The following RBM14 variants were observed in gnomAD, a reference collection of about 807,000 sequenced individuals.
RBM14 encodes RNA-binding protein 14.
A neutral mutation model predicts 52.8 loss-of-function variants in RBM14; 5 were observed. The ratio of observed to expected loss-of-function variants is 0.09; its 90% CI spans 0.05 to 0.20. The LOEUF (loss-of-function observed/expected upper bound fraction) is 0.20. RBM14 is among the 10% of genes least tolerant of loss of function. The pLI, the probability that RBM14 is intolerant of heterozygous loss-of-function variation, is 1.00. For missense variants in RBM14, 780 were observed against 926.6 expected (o/e 0.84, Z 2.05); for synonymous variants, 411 against 401.8 (o/e 1.02, Z -0.28).
intron 1 of RBM14, 43 bp downstream of exon 1, chr11:66,617,100 A>T (rs779205837): frequency 2.6e-6 from 4 of 1,539,766 alleles, no homozygotes; most frequent in Admixed American, 2.0e-5. Context: ...CGCTCGGGGC[A>T]CTCTGCCTGT....
Position 66,626,773 on chromosome 11 carries a change from GT to G in RBM14, c.*110del, listed in dbSNP as rs1403667070. 8.6e-7 allele frequency: 1 copy of G among 1,158,326 alleles called. No homozygotes were observed. Among genetic ancestry groups the G allele is most frequent in the Non-Finnish European group, 1.2e-6 (1 of 840,312 alleles). The allele number at this position is 1,158,326 out of a possible 1,614,324, so 71.8% of individuals were successfully genotyped here. A position where few individuals can be genotyped will look rare whatever the true frequency, so the allele number is the denominator to read the frequency against. On this transcript the variant is annotated 3_prime_UTR_variant, in exon 3 of 3. Transcript: ENST00000310137. ...CTGGCCCATACCTTTCCTGGTTGTG[GT>G]TTTTCATGCCCTCTACCATGTGGGC...
Position 66,629,408 on chromosome 11 carries a change from T to C in RBM14, c.*2740T>C, listed in dbSNP as rs1384252534. Among the ~76,000 whole-genome samples, 1 of 152,216 alleles carries C rather than the reference T, an allele frequency of 6.6e-6. No individual in the cohort carries two copies. The highest frequency in any genetic ancestry group is 2.4e-5 in the African/African-American group (1 of 41,446). ...TGGACCTTGTTTTAAATTGTGTGCA[T>C]GGTGGGCTTGAGACTCTCTTGTAAT... On this transcript the variant is annotated 3_prime_UTR_variant, in exon 3 of 3. Transcript: ENST00000310137.
In RBM14 at chr11:66,625,183, C is replaced by T. The variant is rs1937731400; in HGVS notation, c.1307C>T (p.Pro436Leu). 1 of 1,612,362 alleles carries T rather than the reference C, an allele frequency of 6.2e-7. No homozygotes were observed. Among genetic ancestry groups the T allele is most frequent in the Non-Finnish European group, 8.5e-7 (1 of 1,179,978 alleles). The change falls in exon 2 of 3, where the codon CCA becomes CTA. Residue 436 changes from proline (P) to leucine (L), a missense_variant. Coordinates refer to ENST00000310137, the MANE Select transcript of RBM14 (RefSeq NM_006328.4). The surrounding 1 kb of genome is among the most constrained non-coding windows in gnomAD (Gnocchi z 4.2). ...CAACCTGCTGCCTATGTGGCACAGC[C>T]AGCCACAGCTGCTGCCTATGCCAGC... ...SSQPAAYVAQ[P>L]ATAAAYASQP...
Position 66,624,458 on chromosome 11 carries a change from C to T in RBM14, c.582C>T (p.Ser194=). ...TFDYQQAFGN[S]TGGFDGQARQ... ...ACTACCAGCAGGCTTTTGGCAACAG[C>T]ACTGGTGGCTTTGATGGGCAAGCCC... The change falls in exon 2 of 3, where the codon AGC becomes AGT. Residue 194 remains serine (S), a synonymous_variant. Coordinates refer to ENST00000310137, the MANE Select transcript of RBM14 (RefSeq NM_006328.4). This position sits in a 1 kb window ranked among gnomAD's most constrained non-coding sequence, Gnocchi z 4.7. 1.2e-6 allele frequency: 2 copies of T among 1,613,914 alleles called. No individual in the cohort carries two copies. The highest frequency in any genetic ancestry group is 1.7e-6 in the Non-Finnish European group (2 of 1,179,806).
At chr11:66,619,490 C>T (rs1041890395) in intron 1 of RBM14, 2 of 152,044 alleles carry the variant, frequency 1.3e-5, no homozygotes, top group South Asian at 2.1e-4. Flanking sequence ...AGGAAAATAT[C>T]TTCTCTTCAT....
intron 1 of RBM14, among the ~76,000 whole-genome samples, chr11:66,622,058 G>A (rs2135013924): frequency 6.6e-6 from 1 of 151,800 alleles, no homozygotes; most frequent in Middle Eastern, 3.4e-3. Flanking sequence ...TGGGATTACA[G>A]GTGCCAGCCA....
At chr11:66,618,301 C>T (rs898403781) in intron 1 of RBM14, among the ~76,000 whole-genome samples, 3 of 152,070 alleles carry the variant, frequency 2.0e-5, no homozygotes, top group Non-Finnish European at 1.5e-5. Context: ...TGAGAAGTTT[C>T]AGGGATAGGA....
chr11:66,621,002 A>AT (rs1178445753), intron 1 of RBM14: 4 of 151,718 alleles, frequency 2.6e-5, no homozygotes, highest in South Asian at 4.2e-4. Context: ...TTATTTAAAG[A>AT]TTTTTTAAAA....
rs770115640 is a variant in RBM14 at position 66,625,702 on chromosome 11, GC to G, written c.1802+29del. On this transcript the variant is annotated intron_variant, in intron 2 of 2. Transcript: ENST00000310137. This position sits in a 1 kb window ranked among gnomAD's most constrained non-coding sequence, Gnocchi z 4.2. The stretch of plus-strand genomic sequence containing the variant: ...AGGTACTGTATGCCCCCCCGCCTCT[GC>G]CCCCAGCTGGGGCTTAGGGCAAGGG... 315 of 1,542,618 alleles carry G rather than the reference GC, an allele frequency of 2.0e-4. 1 individual carries two copies. The highest frequency in any genetic ancestry group is 1.4e-3 in the South Asian group (119 of 84,842).
chr11:66,617,637 T>C (rs1318812205), intron 1 of RBM14: 7 of 904,444 alleles, frequency 7.7e-6, no homozygotes, highest in Non-Finnish European at 9.3e-6. Context: ...TACACGTGGG[T>C]ACGAGAGGGG....
Position 66,616,647 on chromosome 11 carries a change from C to G in RBM14, c.-74C>G. The G allele has an allele frequency of 6.7e-7, 1 of 1,487,452 alleles. No homozygotes were observed. The highest frequency in any genetic ancestry group is 2.4e-5 in the Admixed American group (1 of 41,412). The allele number at this position is 1,487,452 out of a possible 1,614,324, so 92.1% of individuals were successfully genotyped here. A position where few individuals can be genotyped will look rare whatever the true frequency, so the allele number is the denominator to read the frequency against. On this transcript the variant is annotated 5_prime_UTR_variant, in exon 1 of 3. Transcript: ENST00000310137. ...CGCCAGCCATTCCTGAGGAGGACTG[C>G]CGGTCGTTCGGACGTCTTGCCTGTC...
chr11:66,617,073 G>C lies in RBM14; in HGVS notation c.337+16G>C, dbSNP rs757800890. On this transcript the variant is annotated intron_variant, in intron 1 of 2. Transcript: ENST00000310137. ...GTGGTGAAAGGTAACGCGGAGGCGC[G>C]CTCGGGGGCGGGGGCGCGCTCGGGG... The C allele has an allele frequency of 1.3e-6, 2 of 1,556,442 alleles. No individual in the cohort carries two copies. The highest frequency in any genetic ancestry group is 1.2e-5 in the South Asian group (1 of 84,322).
intron 1 of RBM14, among the ~76,000 whole-genome samples, chr11:66,618,850 C>G (rs1436267457): frequency 3.3e-5 from 5 of 152,110 alleles, no homozygotes; most frequent in Admixed American, 6.5e-5. Context: ...GACCCAACAC[C>G]AAGTGACGAT....
chr11:66,617,757 C>A (rs1187169875), intron 1 of RBM14, among the ~76,000 whole-genome samples: 1 of 152,260 alleles, frequency 6.6e-6, no homozygotes, highest in Non-Finnish European at 1.5e-5. Flanking sequence ...GATTTTACAT[C>A]TGTCAACTGG....
Position 66,617,018 on chromosome 11 carries a change from G to T in RBM14, c.298G>T (p.Glu100Ter). Residue 100 changes from glutamate (E) to a stop codon, truncating the protein, a stop_gained, in exon 1 of 3, where the codon GAG becomes TAG. Transcript: ENST00000310137. LOFTEE classifies it high-confidence loss of function. ...GAGCCAGGAACTGCGCAGCCTCTTC[G>T]AGCGCCGCGGACGCGTCATCGAGTG... ...CTSQELRSLF[E>*]RRGRVIECDV... The T allele has an allele frequency of 6.2e-7, 1 of 1,605,830 alleles. No homozygotes were observed. Among genetic ancestry groups the T allele is most frequent in the South Asian group, 1.1e-5 (1 of 90,860 alleles).
intron 1 of RBM14, 27 bp downstream of exon 1, chr11:66,617,084 G>GGGGCGC (rs770024910): frequency 3.2e-6 from 5 of 1,553,424 alleles, no homozygotes; most frequent in Admixed American, 1.9e-5. Flanking sequence ...CTCGGGGGCG[G>GGGGCGC]GGGCGCGCTC....
chr11:66,617,427 G>A, intron 1 of RBM14: 1 of 1,070,908 alleles, frequency 9.3e-7, no homozygotes, highest in Middle Eastern at 4.4e-4. Context: ...AAGCGGGGAA[G>A]ATTTCTCCAC....
intron 1 of RBM14, among the ~76,000 whole-genome samples, chr11:66,623,596 A>G (rs1859221014): frequency 6.6e-6 from 1 of 152,144 alleles, no homozygotes; most frequent in Non-Finnish European, 1.5e-5. Context: ...GTGAGGCCCA[A>G]ATGAGGTCCT....
rs1325496074 is a variant in RBM14, at chr11:66,616,849, C to T, written c.129C>T (p.Arg43=). ...VMKQFAFVHM[R]ENAGALRAIE... ...AACAGTTCGCCTTCGTGCACATGCG[C>T]GAGAACGCGGGCGCGCTGCGCGCCA... is the stretch of plus-strand genomic sequence containing the variant. Residue 43 remains arginine (R), a synonymous_variant, in exon 1 of 3, where the codon CGC becomes CGT. Coordinates refer to ENST00000310137, the MANE Select transcript of RBM14 (RefSeq NM_006328.4). 1 of 1,612,356 alleles carries T rather than the reference C, an allele frequency of 6.2e-7. No homozygotes were observed. The highest frequency in any genetic ancestry group is 8.5e-7 in the Non-Finnish European group (1 of 1,179,600).
Sources: allele counts gnomAD v4.1 joint callset (sites outside exome capture counted in the v4.1 genomes callset), GRCh38; gene constraint gnomAD v4.1.1; non-coding constraint Gnocchi (gnomAD v3.1); transcripts MANE v1.5; gene names NCBI Gene and HGNC (gene_info 2026-07-23, HGNC 2026-07-21).